Variants in MTCL2 observed in about 807,000 individuals in gnomAD.
MTCL2 encodes the protein microtubule cross-linking factor 2.
the MTCL2 span, chr20:36,862,655 C>G: frequency 6.7e-7 from 1 of 1,495,862 alleles, no homozygotes; most frequent in Non-Finnish European, 8.9e-7. Flanking sequence ...CGGGCGCCCC[C>G]ACCTTGAGAT....
At chr20:36,847,399 G>A in the MTCL2 span, among the ~76,000 whole-genome samples, 1 of 152,180 alleles carries the variant, frequency 6.6e-6, no homozygotes, top group Non-Finnish European at 1.5e-5. Flanking sequence ...CGTTGTGCTG[G>A]TAATTTTAGG....
chr20:36,831,205 G>A, the MTCL2 span, among the ~76,000 whole-genome samples: 1 of 152,208 alleles, frequency 6.6e-6, no homozygotes, highest in East Asian at 1.9e-4. Flanking sequence ...GGGAACTACT[G>A]TTTGGTGAAT....
At chr20:36,815,347 C>T in the MTCL2 span, 27 of 1,613,758 alleles carry the variant, frequency 1.7e-5, no homozygotes, top group East Asian at 2.2e-5. The surrounding 1 kb of genome is among the most constrained non-coding windows in gnomAD (Gnocchi z 5.3). Flanking sequence ...TCGCTGTTGT[C>T]GGGGGCCTCA....
the MTCL2 span, among the ~76,000 whole-genome samples, chr20:36,841,049 C>T: frequency 1.8e-4 from 27 of 150,776 alleles, 1 homozygote; most frequent in East Asian, 5.1e-3. Flanking sequence ...GTGGCTCGCA[C>T]CTCTAATCCC....
the MTCL2 span, chr20:36,815,825 C>G: frequency 6.3e-7 from 1 of 1,596,342 alleles, no homozygotes; most frequent in Non-Finnish European, 8.5e-7. The surrounding 1 kb of genome is among the most constrained non-coding windows in gnomAD (Gnocchi z 5.3). Context: ...CGTTCAGCAG[C>G]AGCTTGTTCT....
chr20:36,804,769 G>A, the MTCL2 span: 4 of 1,613,952 alleles, frequency 2.5e-6, no homozygotes, highest in South Asian at 4.4e-5. Flanking sequence ...TGCCCGCTCT[G>A]TCTCCCAGGT....
At chr20:36,853,805 C>T in the MTCL2 span, among the ~76,000 whole-genome samples, 1 of 151,988 alleles carries the variant, frequency 6.6e-6, no homozygotes, top group Admixed American at 6.6e-5. Flanking sequence ...TCACTGTTGT[C>T]ACTCTCCCAT....
At chr20:36,805,937 C>T in the MTCL2 span, 2 of 1,612,694 alleles carry the variant, frequency 1.2e-6, no homozygotes, top group Non-Finnish European at 1.7e-6. Flanking sequence ...TCAGCAAGTA[C>T]AGCTCCTTCA....
the MTCL2 span, among the ~76,000 whole-genome samples, chr20:36,841,350 A>C: frequency 6.6e-6 from 1 of 151,780 alleles, no homozygotes. Flanking sequence ...CAAACCTCAG[A>C]TACTGTTAAG....
the MTCL2 span, chr20:36,793,368 G>A: frequency 6.4e-7 from 1 of 1,551,746 alleles, no homozygotes. The surrounding 1 kb of genome is among the most constrained non-coding windows in gnomAD (Gnocchi z 6.8). Flanking sequence ...TTCTTGTTCA[G>A]GATCCTGGCC....
chr20:36,808,044 T>A, the MTCL2 span, among the ~76,000 whole-genome samples: 31 of 147,238 alleles, frequency 2.1e-4, 1 homozygote, highest in South Asian at 6.5e-3. Flanking sequence ...CCTGGCTAAT[T>A]TTTTGTATTT....
chr20:36,790,589 C>T, the MTCL2 span, among the ~76,000 whole-genome samples: 5 of 151,330 alleles, frequency 3.3e-5, no homozygotes, highest in Non-Finnish European at 5.9e-5. Context: ...CGCATGCTGC[C>T]ACGCCTGGCT....
At chr20:36,849,059 C>CTTTTTTTT in the MTCL2 span, among the ~76,000 whole-genome samples, 1 of 10,814 alleles carries the variant, frequency 9.2e-5, no homozygotes, top group African/African-American at 3.7e-4. Context: ...TAGTTGGTTT[C>CTTTTTTTT]CTTTTTTTTT....
At chr20:36,793,743 G>A in the MTCL2 span, 9 of 1,542,348 alleles carry the variant, frequency 5.8e-6, no homozygotes, top group East Asian at 2.4e-5. The surrounding 1 kb of genome is among the most constrained non-coding windows in gnomAD (Gnocchi z 6.8). Context: ...GACACAGACC[G>A]CCTCTGGAGC....
chr20:36,824,252 T>C, the MTCL2 span, among the ~76,000 whole-genome samples: 1 of 152,210 alleles, frequency 6.6e-6, no homozygotes, highest in African/African-American at 2.4e-5. Context: ...CCCAGCAGCA[T>C]TATTCATAGT....
chr20:36,810,803 T>C, the MTCL2 span, among the ~76,000 whole-genome samples: 1 of 146,612 alleles, frequency 6.8e-6, no homozygotes, highest in South Asian at 2.2e-4. Context: ...CACTGCAACC[T>C]CTGCCTCCCA....
the MTCL2 span, among the ~76,000 whole-genome samples, chr20:36,845,629 C>A: frequency 6.6e-6 from 1 of 152,184 alleles, no homozygotes; most frequent in African/African-American, 2.4e-5. Context: ...AGGACTTAGG[C>A]AGGGGCGCTG....
the MTCL2 span, chr20:36,815,920 T>C: frequency 3.1e-6 from 5 of 1,611,716 alleles, no homozygotes; most frequent in Non-Finnish European, 4.2e-6. The surrounding 1 kb of genome is among the most constrained non-coding windows in gnomAD (Gnocchi z 5.3). Context: ...TCTGCCAAGC[T>C]CTCCCCGCAC....
At chr20:36,812,886 T>A in the MTCL2 span, 13 of 1,591,954 alleles carry the variant, frequency 8.2e-6, no homozygotes, top group South Asian at 1.1e-5. Flanking sequence ...AAGATCACCA[T>A]GGGGAGGGGC....
Sources: allele counts gnomAD v4.1 joint callset (sites outside exome capture counted in the v4.1 genomes callset), GRCh38; gene constraint gnomAD v4.1.1; non-coding constraint Gnocchi (gnomAD v3.1); transcripts MANE v1.5; gene names NCBI Gene and HGNC (gene_info 2026-07-23, HGNC 2026-07-21).